ADAM12: variants seen among roughly 807,000 people sequenced by gnomAD.
The protein encoded by ADAM12 is ADAM metallopeptidase domain 12.
Under a neutral mutation model 106.4 loss-of-function variants are expected in ADAM12, and 70 were observed. The ratio of observed to expected loss-of-function variants is 0.66; its 90% confidence interval spans 0.54 to 0.80. ADAM12 has a LOEUF of 0.80. Among genes scored for constraint, ADAM12 ranks in the 30% least tolerant of loss-of-function variants. The probability of loss-of-function intolerance (pLI) is 0.00; values close to 1 mark genes in which losing one functional copy is unlikely to be tolerated. For missense variants in ADAM12, 1,010 were observed against 1,171.9 expected (o/e 0.86, Z 2.02); for synonymous variants, 420 against 433.5 (o/e 0.97, Z 0.39).
intron 3 of ADAM12, 104 bp from the exon 4 acceptor site, chr10:126,155,409 T>G: frequency 9.6e-7 from 1 of 1,043,752 alleles, no homozygotes; most frequent in Non-Finnish European, 1.4e-6. Context: ...ACCTCCTTTT[T>G]TTTTTTTTAA....
At chr10:126,132,954 C>T (rs781254750) in intron 5 of ADAM12, among the ~76,000 whole-genome samples, 24 of 152,138 alleles carry the variant, frequency 1.6e-4, no homozygotes, top group Non-Finnish European at 3.2e-4. Context: ...TTATCCCCCA[C>T]AAGTCTTTAA....
chr10:126,333,240 C>T (rs184714418), intron 1 of ADAM12, among the ~76,000 whole-genome samples: 2 of 152,216 alleles, frequency 1.3e-5, no homozygotes, highest in Admixed American at 1.3e-4. Context: ...TGAATAACCA[C>T]AAATCAATCC....
chr10:126,122,967 T>C (rs114438413), intron 5 of ADAM12, among the ~76,000 whole-genome samples: 1,656 of 152,336 alleles, frequency 0.011, 34 homozygotes, highest in African/African-American at 0.038. Context: ...TTTTTCTACA[T>C]AGTGGAATAT....
At chr10:126,149,608 G>A (rs1168163798) in intron 4 of ADAM12, among the ~76,000 whole-genome samples, 3 of 152,178 alleles carry the variant, frequency 2.0e-5, no homozygotes, top group Admixed American at 6.5e-5. Context: ...CTGCCAGCGC[G>A]GCTAGAATAA....
At chr10:126,035,902 A>G (rs539067925) in intron 21 of ADAM12, among the ~76,000 whole-genome samples, 13 of 152,170 alleles carry the variant, frequency 8.5e-5, no homozygotes, top group Non-Finnish European at 5.9e-5. Flanking sequence ...TGAGTGGTCT[A>G]ACTATTCAAA....
At chr10:126,271,065 A>G (rs7070441) in intron 3 of ADAM12, among the ~76,000 whole-genome samples, 65,267 of 151,954 alleles carry the variant, frequency 0.43, 16,002 homozygotes, top group Non-Finnish European at 0.55. Flanking sequence ...CAGTTCTACA[A>G]GGGCCCTCCA....
intron 2 of ADAM12, among the ~76,000 whole-genome samples, chr10:126,312,313 CTT>C (rs1381601452): frequency 6.6e-6 from 1 of 152,176 alleles, no homozygotes; most frequent in Non-Finnish European, 1.5e-5. Flanking sequence ...ACAGCGGGGC[CTT>C]CCAAGCACAC....
intron 12 of ADAM12, among the ~76,000 whole-genome samples, chr10:126,067,767 T>C (rs1299707882): frequency 1.3e-5 from 2 of 152,244 alleles, no homozygotes; most frequent in African/African-American, 2.4e-5. Flanking sequence ...TTTTATTTTA[T>C]CCAGTATATG....
chr10:126,284,459 G>A (rs1169657171), intron 2 of ADAM12, among the ~76,000 whole-genome samples: 1 of 151,754 alleles, frequency 6.6e-6, no homozygotes, highest in Non-Finnish European at 1.5e-5. Flanking sequence ...GCCACCCTGT[G>A]TTAATTACTA....
chr10:126,308,239 T>C (rs536822043), intron 2 of ADAM12, among the ~76,000 whole-genome samples: 111 of 98,386 alleles, frequency 1.1e-3, no homozygotes, highest in African/African-American at 4.0e-3. Context: ...CAGTTTTATC[T>C]TTGCAAACTA....
chr10:126,017,415 G>A (rs776610714), intron 22 of ADAM12, 76 bp from the exon 23 acceptor site: 21 of 1,378,966 alleles, frequency 1.5e-5, no homozygotes, highest in Non-Finnish European at 2.0e-5. Flanking sequence ...GTCTGGGGTT[G>A]GAGATGTATT....
intron 1 of ADAM12, among the ~76,000 whole-genome samples, chr10:126,361,164 C>T (rs1051689934): frequency 3.3e-5 from 5 of 151,992 alleles, no homozygotes; most frequent in Non-Finnish European, 5.9e-5. Flanking sequence ...GGGACACAGC[C>T]AAACCTTATC....
intron 3 of ADAM12, among the ~76,000 whole-genome samples, chr10:126,258,803 CA>C (rs34299406): frequency 0.18 from 27,974 of 152,144 alleles, 2,679 homozygotes; most frequent in African/African-American, 0.23. Flanking sequence ...CTGGCTGCCA[CA>C]CCAAGACACC....
At chr10:126,181,247 T>G (rs926771582) in intron 3 of ADAM12, among the ~76,000 whole-genome samples, 1 of 152,026 alleles carries the variant, frequency 6.6e-6, no homozygotes, top group Non-Finnish European at 1.5e-5. Context: ...AATTTTTGTA[T>G]TTTTAGTAGA....
chr10:126,300,844 C>T (rs1002854551), intron 2 of ADAM12, among the ~76,000 whole-genome samples: 18 of 152,156 alleles, frequency 1.2e-4, no homozygotes, highest in African/African-American at 3.9e-4. Flanking sequence ...GAGTATTCCA[C>T]GAGATTCCAC....
chr10:126,136,955 G>A (rs1956416382), intron 4 of ADAM12, among the ~76,000 whole-genome samples: 1 of 152,164 alleles, frequency 6.6e-6, no homozygotes, highest in Non-Finnish European at 1.5e-5. Flanking sequence ...AGTTTCCAGT[G>A]TATATCAATC....
intron 2 of ADAM12, among the ~76,000 whole-genome samples, chr10:126,309,123 A>C (rs1960972683): frequency 6.6e-6 from 1 of 151,802 alleles, no homozygotes; most frequent in Non-Finnish European, 1.5e-5. Context: ...AGGCTTGGCC[A>C]ATCACCGTAT....
chr10:126,160,756 C>T (rs1303733632), intron 3 of ADAM12, among the ~76,000 whole-genome samples: 8 of 152,176 alleles, frequency 5.3e-5, no homozygotes, highest in Non-Finnish European at 7.3e-5. Flanking sequence ...CGATGGCCTC[C>T]GAGGTGCTTG....
At chr10:126,353,350 C>G (rs1274931932) in intron 1 of ADAM12, among the ~76,000 whole-genome samples, 1 of 152,064 alleles carries the variant, frequency 6.6e-6, no homozygotes, top group Non-Finnish European at 1.5e-5. Context: ...CAGTGTCATA[C>G]TAAGATGGTG....
Sources: gnomAD v4.1 joint callset for allele counts (sites outside exome capture counted in the v4.1 genomes callset) on GRCh38, gnomAD v4.1.1 for gene constraint, MANE v1.5 for transcripts, NCBI Gene and HGNC (gene_info 2026-07-23, HGNC 2026-07-21) for gene names.